Variants in DCC observed in about 807,000 individuals in gnomAD.
DCC encodes the protein netrin receptor DCC.
DCC carries 58 observed loss-of-function variants against 172.5 expected under a neutral mutation model. The observed-to-expected ratio is 0.34, with a 90% CI of 0.27 to 0.42. DCC has a LOEUF of 0.42. DCC is among the 10% of genes least tolerant of loss of function. DCC has a pLI of 1.00. For synonymous variants in DCC, 709 were observed against 644.5 expected, an observed-to-expected ratio of 1.10 and a Z score of -1.52; for missense variants, 1,740 against 1,791.0, an observed-to-expected ratio of 0.97 and a Z score of 0.51.
At chr18:52,958,794 G>C (rs973533842) in intron 5 of DCC, among the ~76,000 whole-genome samples, 1 of 152,114 alleles carries the variant, frequency 6.6e-6, no homozygotes, top group Non-Finnish European at 1.5e-5. Flanking sequence ...GGTCAGGAAT[G>C]AGTTCATTTG....
At chr18:53,307,659 T>G (rs1326178777) in intron 13 of DCC, among the ~76,000 whole-genome samples, 1 of 151,730 alleles carries the variant, frequency 6.6e-6, no homozygotes, top group Non-Finnish European at 1.5e-5. Flanking sequence ...GATTGGATGT[T>G]CAATTCACAG....
At chr18:52,350,531 T>C (rs527943792) in intron 1 of DCC, among the ~76,000 whole-genome samples, 1 of 151,188 alleles carries the variant, frequency 6.6e-6, no homozygotes, top group Non-Finnish European at 1.5e-5. Flanking sequence ...TACTGGGGAG[T>C]TGGGGGCTAG....
rs1442395029 is a variant in DCC, at chr18:53,391,795, G to T, written c.2596G>T (p.Asp866Tyr). 6.2e-7 allele frequency: 1 copy of T among 1,614,070 alleles called. No individual in the cohort carries two copies. The part of the protein sequence containing the change: ...THDAVRVSWA[D>Y]NSVPKNQKTS... ...TGATGCTGTGAGGGTCAGCTGGGCA[G>T]ACAACTCTGTCCCTAAGAACCAAAA... The change falls in exon 17 of 29, where the codon GAC (aspartate) becomes TAC (tyrosine). Residue 866 changes from aspartate (D) to tyrosine (Y), a missense_variant. Asp to Tyr is a radical substitution (Grantham distance 160). Coordinates refer to ENST00000442544, the MANE Select transcript of DCC (RefSeq NM_005215.4).
rs144118637 is a variant in DCC, at chr18:52,528,565, C to T, written c.91+187687C>T. Among the ~76,000 whole-genome samples the T allele has an allele frequency of 2.6e-5, 4 of 152,134 alleles. No individual in the cohort carries two copies. In the South Asian group the frequency reaches 8.3e-4, roughly 32 times the overall value. Reference sequence around the variant, plus strand: ...TAAAAGCTGGACCTCAGGAACTGGGCAGACAGCATTTTAAGATCCATCAGC... The same window carrying T: ...TAAAAGCTGGACCTCAGGAACTGGGTAGACAGCATTTTAAGATCCATCAGC... On this transcript the variant is annotated intron_variant, in intron 1 of 28. Transcript: ENST00000442544.
intron 12 of DCC, among the ~76,000 whole-genome samples, chr18:53,241,100 G>A (rs948486753): frequency 6.6e-5 from 10 of 152,070 alleles, no homozygotes; most frequent in African/African-American, 2.2e-4. Flanking sequence ...CCCTGAGGCT[G>A]GGAAGTAATG....
At chr18:52,800,466 T>C (rs2145225602) in intron 2 of DCC, among the ~76,000 whole-genome samples, 1 of 152,358 alleles carries the variant, frequency 6.6e-6, no homozygotes, top group South Asian at 2.1e-4. Context: ...ATGTGTTCTT[T>C]ATTCATTGAT....
chr18:53,150,229 A>G (rs2043977868), intron 7 of DCC, among the ~76,000 whole-genome samples: 2 of 152,174 alleles, frequency 1.3e-5, no homozygotes, highest in African/African-American at 4.8e-5. Context: ...CTACTTTGTA[A>G]TTTATCTGCA....
chr18:52,935,631 A>T (rs948453746), intron 5 of DCC, among the ~76,000 whole-genome samples: 2 of 152,008 alleles, frequency 1.3e-5, no homozygotes, highest in African/African-American at 4.8e-5. Context: ...TTGAGCATGT[A>T]TTATTGGCCA....
intron 12 of DCC, among the ~76,000 whole-genome samples, chr18:53,299,409 C>T (rs1033125072): frequency 5.3e-5 from 8 of 152,140 alleles, no homozygotes; most frequent in African/African-American, 1.7e-4. Flanking sequence ...CATGAGCTTT[C>T]CCTGAAGATG....
At chr18:53,311,570 T>C (rs756111190) in intron 13 of DCC, among the ~76,000 whole-genome samples, 19 of 152,248 alleles carry the variant, frequency 1.2e-4, no homozygotes, top group Non-Finnish European at 2.2e-4. Context: ...TTGTCATCTT[T>C]AGTTCACTTT....
chr18:53,478,107 G>T (rs1395868840), intron 25 of DCC, among the ~76,000 whole-genome samples: 1 of 152,210 alleles, frequency 6.6e-6, no homozygotes, highest in Non-Finnish European at 1.5e-5. Flanking sequence ...GAAGGATACA[G>T]AATTGGGGCA....
At chr18:52,418,291 A>AT (rs1222054545) in intron 1 of DCC, among the ~76,000 whole-genome samples, 2 of 152,170 alleles carry the variant, frequency 1.3e-5, no homozygotes, top group Non-Finnish European at 2.9e-5. Context: ...GCTCTTCTCC[A>AT]TTTTTACCTA....
intron 2 of DCC, among the ~76,000 whole-genome samples, chr18:52,867,352 T>C (rs912720357): frequency 1.3e-5 from 2 of 152,192 alleles, no homozygotes; most frequent in Non-Finnish European, 2.9e-5. Flanking sequence ...TTTTTTGTTG[T>C]GTCTCTGTCA....
intron 1 of DCC, among the ~76,000 whole-genome samples, chr18:52,581,768 C>T (rs1304426253): frequency 6.6e-6 from 1 of 152,132 alleles, no homozygotes; most frequent in Non-Finnish European, 1.5e-5. Context: ...CTGAGTTAAA[C>T]TTTGCAAATT....
chr18:52,646,560 C>T (rs2035023132), intron 1 of DCC, among the ~76,000 whole-genome samples: 1 of 152,204 alleles, frequency 6.6e-6, no homozygotes, highest in African/African-American at 2.4e-5. Flanking sequence ...GGGGTTCCCA[C>T]AACCCCTATC....
chr18:53,402,905 C>A lies in DCC; in HGVS notation c.2935+12C>A. The A allele has an allele frequency of 6.4e-7, 1 of 1,565,072 alleles. No homozygotes were observed. The highest frequency in any genetic ancestry group is 8.8e-7 in the Non-Finnish European group (1 of 1,135,280). ...TGGGAAAATTACTGGTAAGCATCTC[C>A]ACTTTCTCTCCCAGCATAGCTCTCC... On this transcript the variant is annotated intron_variant, in intron 19 of 28. Coordinates refer to ENST00000442544, the MANE Select transcript of DCC (RefSeq NM_005215.4).
intron 2 of DCC, among the ~76,000 whole-genome samples, chr18:52,857,813 G>A (rs1349479544): frequency 6.6e-6 from 1 of 152,184 alleles, no homozygotes; most frequent in Non-Finnish European, 1.5e-5. Flanking sequence ...TCTGTGGGCT[G>A]AGGAAAAAGG....
intron 1 of DCC, among the ~76,000 whole-genome samples, chr18:52,501,428 C>T (rs2031013231): frequency 6.6e-6 from 1 of 152,114 alleles, no homozygotes; most frequent in Non-Finnish European, 1.5e-5. Flanking sequence ...TAGCTGAATG[C>T]CTTTACGTTG....
At chr18:52,600,591 A>C (rs528590503) in intron 1 of DCC, among the ~76,000 whole-genome samples, 1 of 152,326 alleles carries the variant, frequency 6.6e-6, no homozygotes, top group Admixed American at 6.5e-5. Context: ...CGATTTAAGT[A>C]CACTAAACGT....
Sources: gnomAD v4.1 joint callset for allele counts (sites outside exome capture counted in the v4.1 genomes callset) on GRCh38, gnomAD v4.1.1 for gene constraint, MANE v1.5 for transcripts, NCBI Gene and HGNC (gene_info 2026-07-23, HGNC 2026-07-21) for gene names.